CACNA1A: variants seen among roughly 807,000 people sequenced by gnomAD.
The protein encoded by CACNA1A is voltage-dependent P/Q-type calcium channel subunit alpha-1A.
In CACNA1A, 57 loss-of-function variants were observed where a neutral mutation model predicts 262.4. The observed-to-expected ratio is 0.22, with a 90% CI of 0.18 to 0.27. The LOEUF is 0.27. Ranked by LOEUF, CACNA1A falls within the 10% of genes least tolerant of loss-of-function variation. The pLI, the probability that CACNA1A is intolerant of heterozygous loss-of-function variation, is 1.00. For synonymous variants in CACNA1A, 1,431 were observed against 1,419.3 expected (o/e 1.01, Z -0.18); for missense variants, 2,526 against 3,562.8 (o/e 0.71, Z 7.41).
chr19:13,393,699 A>C (rs1201070498), intron 3 of CACNA1A, among the ~76,000 whole-genome samples: 3 of 93,056 alleles, frequency 3.2e-5, no homozygotes, highest in South Asian at 3.8e-4. Flanking sequence ...TTCTTTCTTT[A>C]CCTTTCTCTC....
At chr19:13,476,398 C>T (rs1978543699) in intron 1 of CACNA1A, among the ~76,000 whole-genome samples, 1 of 152,194 alleles carries the variant, frequency 6.6e-6, no homozygotes, top group South Asian at 2.1e-4. Context: ...TCATTGCCAA[C>T]TCATCATCAC....
chr19:13,323,102 T>C (rs2058288064), intron 10 of CACNA1A, among the ~76,000 whole-genome samples: 1 of 152,056 alleles, frequency 6.6e-6, no homozygotes, highest in Admixed American at 6.6e-5. Context: ...TGAAACTAAA[T>C]ACAAAAGTTA....
chr19:13,329,488 T>TC (rs1177365120), intron 10 of CACNA1A, among the ~76,000 whole-genome samples: 1 of 98,000 alleles, frequency 1.0e-5, no homozygotes, highest in East Asian at 2.8e-4. Flanking sequence ...GTTTGTGTCT[T>TC]TTTTTTTTTT....
At chr19:13,269,582 C>A (rs1239810249) in intron 24 of CACNA1A, among the ~76,000 whole-genome samples, 1 of 152,218 alleles carries the variant, frequency 6.6e-6, no homozygotes, top group Non-Finnish European at 1.5e-5. Flanking sequence ...TGCGGTCCTG[C>A]CTTTGGGGGA....
intron 3 of CACNA1A, among the ~76,000 whole-genome samples, chr19:13,382,785 C>T (rs531188985): frequency 6.6e-6 from 1 of 152,248 alleles, no homozygotes; most frequent in South Asian, 2.1e-4. Flanking sequence ...AAAGAGGCCC[C>T]GGTTTATATA....
At chr19:13,227,301 AC>A in intron 37 of CACNA1A, 129 bp downstream of exon 37, 1 of 470,926 alleles carries the variant, frequency 2.1e-6, no homozygotes, top group African/African-American at 2.0e-5. Flanking sequence ...AGAATCAAAA[AC>A]AAAAAAGAAG....
At position 13,506,256 on chromosome 19, in the gene CACNA1A, T is replaced by C. The variant is rs945877489; in HGVS notation, c.-32A>G. ...AAGAGCAAAGGGCTCCGGGTTACGC[T>C]GCGGCGAACGATGCGGAAGACGCCG... On this transcript the variant is annotated 5_prime_UTR_variant, in exon 1 of 47. Coordinates refer to ENST00000360228, the MANE Select transcript of CACNA1A (RefSeq NM_001127222.2). 1 of 1,412,890 alleles carries C rather than the reference T, an allele frequency of 7.1e-7. No homozygotes were observed. Among genetic ancestry groups the C allele is most frequent in the Non-Finnish European group, 9.1e-7 (1 of 1,095,704 alleles). 87.5% of individuals were successfully genotyped at this position (1,412,890 alleles called of 1,614,324 possible).
chr19:13,267,090 C>T (rs1256741476), intron 24 of CACNA1A, among the ~76,000 whole-genome samples: 1 of 151,196 alleles, frequency 6.6e-6, no homozygotes, highest in African/African-American at 2.4e-5. Context: ...CCAGAACTAA[C>T]GAGGCTGCAC....
chr19:13,354,881 T>C (rs1371615943), intron 6 of CACNA1A, among the ~76,000 whole-genome samples: 5 of 146,726 alleles, frequency 3.4e-5, no homozygotes, highest in Non-Finnish European at 4.5e-5. Context: ...TTTTTTTTTT[T>C]TTTTTTTTTT....
At chr19:13,247,745 A>AAATAAAT (rs2056287508) in intron 30 of CACNA1A, among the ~76,000 whole-genome samples, 10 of 91,340 alleles carry the variant, frequency 1.1e-4, no homozygotes, top group African/African-American at 3.7e-4. Context: ...AATAAATAAA[A>AAATAAAT]AGGAATTCAG....
intron 1 of CACNA1A, among the ~76,000 whole-genome samples, chr19:13,464,795 A>ATCTG (rs2061199115): frequency 6.6e-6 from 1 of 151,404 alleles, no homozygotes. Context: ...TGATCTGCCC[A>ATCTG]CCTTGGCCTC....
At chr19:13,430,733 G>C (rs1327192121) in intron 3 of CACNA1A, among the ~76,000 whole-genome samples, 1 of 152,164 alleles carries the variant, frequency 6.6e-6, no homozygotes, top group Non-Finnish European at 1.5e-5. Context: ...CATTCTAGTG[G>C]GGGCAGGGGA....
At chr19:13,411,768 A>G (rs1200080448) in intron 3 of CACNA1A, among the ~76,000 whole-genome samples, 4 of 151,470 alleles carry the variant, frequency 2.6e-5, no homozygotes, top group Admixed American at 2.0e-4. Context: ...CTGAAGCACA[A>G]TGGTGCAACT....
intron 1 of CACNA1A, among the ~76,000 whole-genome samples, chr19:13,497,344 G>GCAAA (rs1296870929): frequency 6.7e-6 from 1 of 149,120 alleles, no homozygotes; most frequent in Non-Finnish European, 1.5e-5. Context: ...GTTCATAACA[G>GCAAA]CAAACAAACA....
chr19:13,307,717 G>A, intron 15 of CACNA1A, 65 bp downstream of exon 15: 1 of 1,370,494 alleles, frequency 7.3e-7, no homozygotes, highest in Non-Finnish European at 1.0e-6. Flanking sequence ...CCTTGGATGT[G>A]GAGCAGGCAC....
chr19:13,210,694 A>G (rs763436049), intron 43 of CACNA1A, 42 bp from the exon 44 acceptor site: 39 of 1,549,194 alleles, frequency 2.5e-5, no homozygotes, highest in Non-Finnish European at 3.1e-5. Context: ...AAAAAACAGA[A>G]AGAAGAAAAT....
intron 1 of CACNA1A, among the ~76,000 whole-genome samples, chr19:13,465,508 A>T (rs1347201299): frequency 6.6e-6 from 1 of 152,142 alleles, no homozygotes; most frequent in African/African-American, 2.4e-5. Context: ...TTTTTGAGAT[A>T]GGGTCTCACT....
At chr19:13,365,653 G>A (rs2059197137) in intron 4 of CACNA1A, 184 bp from the exon 5 acceptor site, 2 of 528,944 alleles carry the variant, frequency 3.8e-6, no homozygotes, top group Admixed American at 3.2e-5. Context: ...CCTTATCATG[G>A]GAACAACACT....
At chr19:13,491,885 A>G (rs1980928064) in intron 1 of CACNA1A, among the ~76,000 whole-genome samples, 1 of 152,178 alleles carries the variant, frequency 6.6e-6, no homozygotes, top group Non-Finnish European at 1.5e-5. Context: ...ACAGAGGCGC[A>G]CACACACTAT....
Sources: gnomAD v4.1 joint callset for allele counts (sites outside exome capture counted in the v4.1 genomes callset) on GRCh38, gnomAD v4.1.1 for gene constraint, MANE v1.5 for transcripts, NCBI Gene and HGNC (gene_info 2026-07-23, HGNC 2026-07-21) for gene names.